Variants in DMXL2 observed in about 807,000 individuals in gnomAD.
DMXL2 encodes the protein dmX-like protein 2.
A neutral mutation model predicts 331.1 loss-of-function variants in DMXL2; 103 were observed. The observed-to-expected ratio is 0.31, with a 90% CI of 0.27 to 0.37. The LOEUF (loss-of-function observed/expected upper bound fraction) is 0.37, where lower values mean the gene tolerates loss of function less well. Ranked by LOEUF, DMXL2 falls within the 10% of genes least tolerant of loss-of-function variation. The pLI is 1.00. For missense variants in DMXL2, 3,171 were observed against 3,642.9 expected (o/e 0.87, Z 3.33); for synonymous variants, 1,281 against 1,252.1 (o/e 1.02, Z -0.49).
intron 1 of DMXL2, among the ~76,000 whole-genome samples, chr15:51,599,358 G>C (rs2053062110): frequency 6.6e-6 from 1 of 152,150 alleles, no homozygotes; most frequent in Non-Finnish European, 1.5e-5. Flanking sequence ...GGGTATCACT[G>C]CTTCTAGGCC....
chr15:51,607,623 T>C (rs2053680689), intron 1 of DMXL2, among the ~76,000 whole-genome samples: 2 of 152,212 alleles, frequency 1.3e-5, no homozygotes, highest in Non-Finnish European at 2.9e-5. Context: ...TGAAAGATAT[T>C]AATTTACAGA....
At position 51,453,571 on chromosome 15, in the gene DMXL2, G is replaced by C. The variant is rs770954045; in HGVS notation, c.8675C>G (p.Ser2892Cys). 1.2e-6 allele frequency: 2 copies of C among 1,613,498 alleles called. No individual in the cohort carries two copies. The highest frequency in any genetic ancestry group is 1.7e-6 in the Non-Finnish European group (2 of 1,179,714). ...CTACCTATTGTCATTGGAGTGTCCA[G>C]ATGTGGCAACTAGACTTGAAGAGGT... ...FITSSSLVAT[S>C]GHSNDNRNVC... is the part of the protein sequence containing the mutation. The change falls in exon 41 of 44, where the codon TCT (serine) becomes TGT (cysteine). Residue 2892 changes from serine to cysteine, a missense_variant. Ser to Cys is a moderately radical substitution (Grantham distance 112, BLOSUM62 -1). This residue lies in a region of DMXL2 where 766 missense variants were observed against 940.5 expected (regional missense o/e 0.81). Coordinates refer to ENST00000560891, the MANE Select transcript of DMXL2 (RefSeq NM_001378457.1).
rs1279148367 is a variant in DMXL2 at position 51,448,057 on chromosome 15, ACT to A, written c.*925_*926del. ...CTAATATTTTACAAGCAAATATTTA[ACT>A]CTGCATAGTTTATACAATAGGCTGT... On this transcript the variant is annotated 3_prime_UTR_variant, in exon 44 of 44. Coordinates refer to ENST00000560891, the MANE Select transcript of DMXL2 (RefSeq NM_001378457.1). 1.3e-5 allele frequency: 2 copies of A among 152,668 alleles called. No individual in the cohort carries two copies. The highest frequency in any genetic ancestry group is 2.4e-5 in the African/African-American group (1 of 41,460). The allele number at this position is 152,668 out of a possible 1,614,324, so 9.5% of individuals were successfully genotyped here.
intron 6 of DMXL2, among the ~76,000 whole-genome samples, chr15:51,552,923 C>T (rs2049311783): frequency 6.6e-6 from 1 of 152,224 alleles, no homozygotes. Context: ...TGCTCTTTAA[C>T]AAGCCCTGCT....
At chr15:51,518,760 T>A (rs2047178926) in intron 13 of DMXL2, among the ~76,000 whole-genome samples, 1 of 152,078 alleles carries the variant, frequency 6.6e-6, no homozygotes, top group African/African-American at 2.4e-5. Context: ...CAGCTAAGGA[T>A]TTGCTTTCCC....
intron 3 of DMXL2, among the ~76,000 whole-genome samples, chr15:51,566,250 T>G (rs1314809808): frequency 4.0e-5 from 4 of 100,540 alleles, no homozygotes; most frequent in African/African-American, 1.2e-4. Flanking sequence ...TGTGTGTGTG[T>G]GTGTGTGTGT....
intron 1 of DMXL2, among the ~76,000 whole-genome samples, chr15:51,590,352 C>A (rs2052199581): frequency 6.6e-6 from 1 of 152,020 alleles, no homozygotes; most frequent in Admixed American, 6.5e-5. Flanking sequence ...TTTAATAGAC[C>A]CAACACAAAA....
chr15:51,541,260 T>C (rs2048578638), intron 9 of DMXL2, among the ~76,000 whole-genome samples: 1 of 151,992 alleles, frequency 6.6e-6, no homozygotes, highest in Admixed American at 6.6e-5. Context: ...GTTAAGTAAT[T>C]TTAGATATTT....
intron 42 of DMXL2, 58 bp from the exon 43 acceptor site, chr15:51,450,404 G>T (rs1595863057): frequency 6.6e-7 from 1 of 1,506,394 alleles, no homozygotes; most frequent in East Asian, 2.3e-5. Context: ...TGGTAATTAT[G>T]ATGTCTACAT....
chr15:51,483,367 T>C (rs1045528178), intron 23 of DMXL2, among the ~76,000 whole-genome samples: 2 of 152,124 alleles, frequency 1.3e-5, no homozygotes, highest in African/African-American at 4.8e-5. Flanking sequence ...CAAGCCTACA[T>C]GGGTAGCTGA....
At chr15:51,457,235 C>T in intron 37 of DMXL2, 93 bp downstream of exon 37, 3 of 1,340,576 alleles carry the variant, frequency 2.2e-6, no homozygotes, top group Non-Finnish European at 3.1e-6. Context: ...GGTGTTTGTC[C>T]CTGAAATTTA....
chr15:51,488,436 G>A, intron 21 of DMXL2, 112 bp downstream of exon 21: 1 of 942,800 alleles, frequency 1.1e-6, no homozygotes, highest in Non-Finnish European at 1.6e-6. Context: ...AGGTCGCATA[G>A]AAGTGGATTT....
At chr15:51,582,454 G>A (rs1305394065) in intron 1 of DMXL2, among the ~76,000 whole-genome samples, 2 of 152,124 alleles carry the variant, frequency 1.3e-5, no homozygotes, top group Non-Finnish European at 2.9e-5. Flanking sequence ...GGAAGGCAGG[G>A]TTGTCTGGGC....
intron 20 of DMXL2, among the ~76,000 whole-genome samples, chr15:51,489,474 T>C (rs2042634239): frequency 6.6e-6 from 1 of 152,086 alleles, no homozygotes; most frequent in Non-Finnish European, 1.5e-5. Context: ...CTGGCCAACG[T>C]GGTGAAACCC....
intron 25 of DMXL2, 109 bp from the exon 26 acceptor site, chr15:51,478,456 CTG>C: frequency 1.1e-6 from 1 of 912,792 alleles, no homozygotes; most frequent in Non-Finnish European, 1.7e-6. Context: ...ATAAATAAGA[CTG>C]AATCCTAGAT....
At chr15:51,478,207 T>C (rs747288877) in intron 26 of DMXL2, 64 bp downstream of exon 26, 18 of 1,367,520 alleles carry the variant, frequency 1.3e-5, no homozygotes, top group Non-Finnish European at 1.7e-5. Context: ...AGAAACTTAA[T>C]ATAACTCTGG....
chr15:51,459,278 G>C, intron 34 of DMXL2: 2 of 213,634 alleles, frequency 9.4e-6, no homozygotes, highest in Non-Finnish European at 1.9e-5. Context: ...AGACTGATGA[G>C]AGGAAGATGC....
intron 18 of DMXL2, among the ~76,000 whole-genome samples, chr15:51,496,993 T>C (rs991590138): frequency 3.3e-5 from 5 of 152,240 alleles, no homozygotes; most frequent in Non-Finnish European, 7.3e-5. Context: ...GCTTAGCCAA[T>C]GATACAGTTT....
intron 9 of DMXL2, 121 bp from the exon 10 acceptor site, chr15:51,538,573 G>T: frequency 1.4e-6 from 1 of 717,226 alleles, no homozygotes; most frequent in Non-Finnish European, 2.1e-6. Flanking sequence ...AATTTTAGCA[G>T]CATTTGTAAA....
Sources: gnomAD v4.1 joint callset for allele counts (sites outside exome capture counted in the v4.1 genomes callset) on GRCh38, gnomAD v4.1.1 for gene constraint, gnomAD v4.1.1 regional missense constraint, MANE v1.5 for transcripts, NCBI Gene and HGNC (gene_info 2026-07-23, HGNC 2026-07-21) for gene names.